SYN1: variants seen among roughly 807,000 people sequenced by gnomAD.
The protein encoded by SYN1 is synapsin-1.
SYN1 carries 8 observed loss-of-function variants against 44.6 expected under a neutral mutation model. The observed-to-expected ratio is 0.18, with a 90% CI of 0.11 to 0.32. The LOEUF (loss-of-function observed/expected upper bound fraction) is 0.32, where lower values mean the gene tolerates loss of function less well. SYN1 is among the 10% of genes least tolerant of loss of function. SYN1 has a pLI of 1.00. For missense variants in SYN1, 451 were observed against 639.4 expected, an observed-to-expected ratio of 0.71 and a Z score of 3.18; for synonymous variants, 275 against 280.1, an observed-to-expected ratio of 0.98 and a Z score of 0.18.
chrX:47,607,271 C>A (rs1199737359), intron 1 of SYN1, 73 bp from the exon 2 acceptor site: 16 of 1,001,387 alleles, frequency 1.6e-5, no homozygotes, highest in Non-Finnish European at 2.3e-5. Flanking sequence ...GCCCTTGACC[C>A]TTTTGCCCCT....
At chrX:47,573,870 A>T in intron 12 of SYN1, 132 bp downstream of exon 12, 1 of 576,472 alleles carries the variant, frequency 1.7e-6, no homozygotes, top group Non-Finnish European at 2.4e-6. Flanking sequence ...GGCTTGGCTC[A>T]GGCTGGAGAG....
chrX:47,585,730 G>C, intron 5 of SYN1: 5 of 1,193,267 alleles, frequency 4.2e-6, no homozygotes, highest in Non-Finnish European at 5.6e-6. Flanking sequence ...CTAAATCGTG[G>C]GCTTGTTTCT....
chrX:47,585,573 C>T, intron 5 of SYN1: 1 of 1,200,240 alleles, frequency 8.3e-7, no homozygotes, highest in East Asian at 3.0e-5. Context: ...TTGCACATCA[C>T]TACCTGCAGT....
intron 5 of SYN1, among the ~76,000 whole-genome samples, chrX:47,590,404 C>T (rs2057843944): frequency 9.0e-6 from 1 of 111,695 alleles, no homozygotes; most frequent in Non-Finnish European, 1.9e-5. Flanking sequence ...ATCCCTGGAG[C>T]ATTCTCCCCA....
At chrX:47,580,666 T>C (rs1464000420) in intron 5 of SYN1, among the ~76,000 whole-genome samples, 4 of 107,832 alleles carry the variant, frequency 3.7e-5, no homozygotes, top group Non-Finnish European at 5.7e-5. Flanking sequence ...CCGGGTGTGG[T>C]GGCTCACGCC....
At chrX:47,611,074 C>A (rs758301649) in intron 1 of SYN1, among the ~76,000 whole-genome samples, 1 of 111,252 alleles carries the variant, frequency 9.0e-6, no homozygotes, top group South Asian at 3.8e-4. Flanking sequence ...TTCACAAATG[C>A]GTAATTGCAA....
intron 9 of SYN1, 117 bp from the exon 10 acceptor site, chrX:47,575,391 C>T: frequency 1.1e-6 from 1 of 906,311 alleles, no homozygotes; most frequent in South Asian, 2.3e-5. Flanking sequence ...GTGTCTGAGG[C>T]ACTGATTGTG....
intron 5 of SYN1, among the ~76,000 whole-genome samples, chrX:47,599,122 C>T (rs1243312068): frequency 1.8e-5 from 2 of 111,278 alleles, no homozygotes; most frequent in East Asian, 2.8e-4. Context: ...ATCTGTTTAA[C>T]TTAAAAGAAG....
chrX:47,574,171 T>G lies in SYN1; in HGVS notation c.1813A>C (p.Ser605Arg). The G allele has an allele frequency of 1.9e-6, 2 of 1,047,958 alleles. No individual in the cohort carries two copies. Among genetic ancestry groups the G allele is most frequent in the Non-Finnish European group, 2.4e-6 (2 of 823,105 alleles). The allele number at this position is 1,047,958 out of a possible 1,213,427, so 86.4% of individuals were successfully genotyped here. A position where few individuals can be genotyped will look rare whatever the true frequency, so the allele number is the denominator to read the frequency against. ...GTGCGGGGCACGGGACCCGCCTGGC[T>G]GGCCTGGCGTGTGGGGCCGGCTGGG... ...PGPAGPTRQA[S>R]QAGPVPRTGP... Residue 605 changes from serine to arginine, a missense_variant, in exon 12 of 13, where the codon AGC becomes CGC. Coordinates refer to ENST00000295987, the MANE Select transcript of SYN1 (RefSeq NM_006950.3).
At chrX:47,602,246 G>C (rs1247181676) in intron 5 of SYN1, among the ~76,000 whole-genome samples, 1 of 112,122 alleles carries the variant, frequency 8.9e-6, no homozygotes, top group Non-Finnish European at 1.9e-5. Context: ...AAGTTGTGGA[G>C]GTAAGATTCT....
At position 47,572,978 on chromosome X, in the gene SYN1, A is replaced by T. The variant is rs1457769772; in HGVS notation, c.2004T>A (p.Asn668Lys). 1 of 1,210,538 alleles carries T rather than the reference A, an allele frequency of 8.3e-7. No individual in the cohort carries two copies. Among genetic ancestry groups the T allele is most frequent in the Non-Finnish European group, 1.1e-6 (1 of 894,863 alleles). The part of the protein sequence containing the change: ...PQLNKSQSLT[N>K]AFNLPEPAPP... ...GGGCTGGCTCTGGAAGGTTGAAGGC[A>T]TTGGTCAGAGACTGGGATTTGCTAG... Residue 668 changes from asparagine to lysine, a missense_variant, in exon 13 of 13, where the codon AAT becomes AAA. Coordinates refer to ENST00000295987, the MANE Select transcript of SYN1 (RefSeq NM_006950.3).
rs755407807 is a variant in SYN1, at chrX:47,619,833, A to T, written c.-105T>A. The T allele has an allele frequency of 8.1e-4, 709 of 879,058 alleles. 6 individuals are homozygous for T. In the African/African-American group the frequency reaches 0.014, roughly 17 times the overall value. 72.4% of individuals were successfully genotyped at this position (879,058 alleles called of 1,213,427 possible). On this transcript the variant is annotated 5_prime_UTR_variant, in exon 1 of 13. Transcript: ENST00000295987. ...CAGCTGCGCTCTCAGGCACGACACGACTCCTCCGCTGCCCACCGCAGACTG... is the reference window on the plus strand; with the variant it reads ...CAGCTGCGCTCTCAGGCACGACACGTCTCCTCCGCTGCCCACCGCAGACTG...
At chrX:47,585,758 C>T (rs958677737) in intron 5 of SYN1, 10 of 1,171,651 alleles carry the variant, frequency 8.5e-6, no homozygotes, top group Non-Finnish European at 9.1e-6. Flanking sequence ...TCTGGCTATT[C>T]TGTGTCCCTG....
intron 1 of SYN1, among the ~76,000 whole-genome samples, chrX:47,613,839 A>T (rs2057923756): frequency 8.9e-6 from 1 of 111,853 alleles, no homozygotes; most frequent in African/African-American, 3.3e-5. Flanking sequence ...AAGAATGGGC[A>T]CCATCCTCCA....
At chrX:47,611,287 A>T (rs1020673779) in intron 1 of SYN1, among the ~76,000 whole-genome samples, 1 of 111,856 alleles carries the variant, frequency 8.9e-6, no homozygotes, top group African/African-American at 3.3e-5. Flanking sequence ...GATCTAAAGG[A>T]TGCAGGGGTG....
At chrX:47,580,136 C>T (rs939009551) in intron 5 of SYN1, among the ~76,000 whole-genome samples, 3 of 107,117 alleles carry the variant, frequency 2.8e-5, no homozygotes, top group Non-Finnish European at 3.9e-5. Context: ...AAGAGGCAAT[C>T]GGGATTGATT....
chrX:47,614,277 G>A (rs994711226), intron 1 of SYN1, among the ~76,000 whole-genome samples: 2 of 111,151 alleles, frequency 1.8e-5, no homozygotes, highest in African/African-American at 6.6e-5. Flanking sequence ...GGTACTCCTT[G>A]CTCAACTTTG....
chrX:47,594,460 G>C (rs1322414248), intron 5 of SYN1, among the ~76,000 whole-genome samples: 1 of 108,200 alleles, frequency 9.2e-6, no homozygotes, highest in African/African-American at 3.4e-5. Flanking sequence ...CTTGAACCCG[G>C]GAGGCAGAGG....
intron 5 of SYN1, among the ~76,000 whole-genome samples, chrX:47,581,652 C>T (rs1406728450): frequency 8.9e-6 from 1 of 112,170 alleles, no homozygotes; most frequent in Non-Finnish European, 1.9e-5. Flanking sequence ...TTCCTCTACG[C>T]CCCATATTTC....
Sources: gnomAD v4.1 joint callset for allele counts (sites outside exome capture counted in the v4.1 genomes callset) on GRCh38, gnomAD v4.1.1 for gene constraint, MANE v1.5 for transcripts, NCBI Gene and HGNC (gene_info 2026-07-23, HGNC 2026-07-21) for gene names.